PTPRT: variants seen among roughly 807,000 people sequenced by gnomAD.
PTPRT encodes receptor-type tyrosine-protein phosphatase T.
A neutral mutation model predicts 176.8 loss-of-function variants in PTPRT; 56 were observed. The ratio of observed to expected loss-of-function variants is 0.32; its 90% CI spans 0.26 to 0.40. PTPRT has a LOEUF of 0.40. Among genes scored for constraint, PTPRT ranks in the 10% least tolerant of loss-of-function variants. The probability of loss-of-function intolerance (pLI) is 1.00; values close to 1 mark genes in which losing one functional copy is unlikely to be tolerated. For missense variants in PTPRT, 1,540 were observed against 1,908.2 expected, an observed-to-expected ratio of 0.81 and a Z score of 3.60; for synonymous variants, 783 against 739.0, an observed-to-expected ratio of 1.06 and a Z score of -0.96.
intron 16 of PTPRT, among the ~76,000 whole-genome samples, chr20:42,182,907 GGTGT>G (rs10608197): frequency 0.022 from 3,132 of 144,670 alleles, 43 homozygotes; most frequent in Middle Eastern, 0.035. Flanking sequence ...TACAAGCAGG[GGTGT>G]GTGTGTGTGT....
chr20:42,377,458 T>C (rs1398956506), intron 9 of PTPRT, among the ~76,000 whole-genome samples: 2 of 152,234 alleles, frequency 1.3e-5, no homozygotes, highest in East Asian at 1.9e-4. Context: ...AAGCTTTAAC[T>C]TACGACCAAA....
chr20:43,140,074 A>T (rs2013954107), intron 1 of PTPRT, among the ~76,000 whole-genome samples: 1 of 152,190 alleles, frequency 6.6e-6, no homozygotes, highest in African/African-American at 2.4e-5. Flanking sequence ...TATTACAATC[A>T]GTTTCTTGCA....
rs531741156 is a variant in PTPRT at position 42,701,891 on chromosome 20, G to C, written c.860-23732C>G. 7.9e-5 allele frequency among the ~76,000 whole-genome samples: 12 copies of C among 152,254 alleles called. No individual in the cohort carries two copies. The South Asian group carries it at 2.5e-3, about 32-fold the overall frequency. On this transcript the variant is annotated intron_variant, in intron 6 of 30. Coordinates refer to ENST00000373187, the MANE Select transcript of PTPRT (RefSeq NM_007050.6). ...TGGAACAGCTAGATCTAGAGTTCTTGTTTCTGCCCATTTTACAGATACGAG... is the reference window on the plus strand; with the variant it reads ...TGGAACAGCTAGATCTAGAGTTCTTCTTTCTGCCCATTTTACAGATACGAG...
At chr20:42,331,278 T>G (rs540925592) in intron 11 of PTPRT, among the ~76,000 whole-genome samples, 2 of 152,262 alleles carry the variant, frequency 1.3e-5, no homozygotes, top group Non-Finnish European at 2.9e-5. Flanking sequence ...AACTTGGCGA[T>G]TAGAACCCAC....
At chr20:42,987,112 A>C (rs1166515388) in intron 1 of PTPRT, among the ~76,000 whole-genome samples, 1 of 150,624 alleles carries the variant, frequency 6.6e-6, no homozygotes, top group East Asian at 2.0e-4. Context: ...CCCCACATCC[A>C]CCCCTCCCTG....
At chr20:42,685,431 G>A (rs572193156) in intron 6 of PTPRT, 2 of 152,302 alleles carry the variant, frequency 1.3e-5, no homozygotes, top group Non-Finnish European at 2.9e-5. Flanking sequence ...TAGAAGAGGA[G>A]CATGATCTTG....
At chr20:42,480,028 C>T (rs544854528) in intron 7 of PTPRT, among the ~76,000 whole-genome samples, 3 of 152,320 alleles carry the variant, frequency 2.0e-5, no homozygotes, top group African/African-American at 7.2e-5. Context: ...AACACGGTTG[C>T]TACCCTCCCA....
intron 1 of PTPRT, among the ~76,000 whole-genome samples, chr20:43,184,771 T>C (rs2015349161): frequency 6.6e-6 from 1 of 152,122 alleles, no homozygotes. Flanking sequence ...TCGATTCCCA[T>C]TTTTCATGGT....
At chr20:43,067,862 A>T (rs1268731934) in intron 1 of PTPRT, among the ~76,000 whole-genome samples, 1 of 140,610 alleles carries the variant, frequency 7.1e-6, no homozygotes, top group Non-Finnish European at 1.5e-5. Flanking sequence ...GCTACTCAAG[A>T]GGCTGAGGCA....
intron 7 of PTPRT, among the ~76,000 whole-genome samples, chr20:42,630,511 C>T (rs2074383960): frequency 6.6e-6 from 1 of 152,178 alleles, no homozygotes; most frequent in South Asian, 2.1e-4. Flanking sequence ...CACATGACTT[C>T]AGGTCCCCAA....
At chr20:42,848,481 C>A (rs528054201) in intron 2 of PTPRT, among the ~76,000 whole-genome samples, 1 of 152,158 alleles carries the variant, frequency 6.6e-6, no homozygotes, top group Non-Finnish European at 1.5e-5. Context: ...CCACCAACAT[C>A]TATTATTTTT....
At chr20:42,711,833 C>T (rs777147723) in intron 6 of PTPRT, among the ~76,000 whole-genome samples, 1 of 151,438 alleles carries the variant, frequency 6.6e-6, no homozygotes, top group Non-Finnish European at 1.5e-5. Context: ...GCTACTCTCC[C>T]CCTCTAACAA....
intron 1 of PTPRT, among the ~76,000 whole-genome samples, chr20:43,125,471 C>T (rs2013405955): frequency 6.6e-6 from 1 of 152,152 alleles, no homozygotes; most frequent in Non-Finnish European, 1.5e-5. Flanking sequence ...GACTCTCAAA[C>T]TCAGAAAATA....
At chr20:42,893,527 C>T (rs1268563854) in intron 1 of PTPRT, among the ~76,000 whole-genome samples, 6 of 151,416 alleles carry the variant, frequency 4.0e-5, no homozygotes, top group South Asian at 2.1e-4. Context: ...ACCCAAAGGA[C>T]TATAAATCAT....
chr20:43,026,264 C>T lies in PTPRT; in HGVS notation c.89-140332G>A, dbSNP rs1248222739. ...TCCCAAGTAGCTGGGATTACAGATG[C>T]GCACCACCACACCCAGCTAATTTTT... On this transcript the variant is annotated intron_variant, in intron 1 of 30. Coordinates refer to ENST00000373187, the MANE Select transcript of PTPRT (RefSeq NM_007050.6). 2.6e-5 allele frequency among the ~76,000 whole-genome samples: 4 copies of T among 152,074 alleles called. No individual in the cohort carries two copies. The East Asian group carries it at 5.8e-4, about 22-fold the overall frequency.
intron 24 of PTPRT, among the ~76,000 whole-genome samples, 197 bp downstream of exon 24, chr20:42,106,589 C>G (rs749520759): frequency 9.2e-5 from 14 of 152,278 alleles, no homozygotes; most frequent in Non-Finnish European, 1.9e-4. Context: ...CACTGTAGAC[C>G]TCCAGGGTTG....
At chr20:42,894,633 G>A (rs1336678599) in intron 1 of PTPRT, among the ~76,000 whole-genome samples, 1 of 152,206 alleles carries the variant, frequency 6.6e-6, no homozygotes, top group African/African-American at 2.4e-5. Context: ...AGGTTGCCAT[G>A]GTGATGAACT....
At chr20:42,337,901 T>C (rs2058062462) in intron 11 of PTPRT, among the ~76,000 whole-genome samples, 1 of 152,004 alleles carries the variant, frequency 6.6e-6, no homozygotes, top group South Asian at 2.1e-4. Context: ...CTAAATAGAG[T>C]AGAACCTTGG....
intron 2 of PTPRT, among the ~76,000 whole-genome samples, chr20:42,800,483 T>C (rs1165595998): frequency 2.0e-5 from 3 of 152,168 alleles, no homozygotes; most frequent in Admixed American, 2.0e-4. Flanking sequence ...AGACCCCAAA[T>C]TGTTCTTGAC....
Sources: allele counts gnomAD v4.1 joint callset (sites outside exome capture counted in the v4.1 genomes callset), GRCh38; gene constraint gnomAD v4.1.1; transcripts MANE v1.5; gene names NCBI Gene and HGNC (gene_info 2026-07-23, HGNC 2026-07-21).